The following TAF1 variants were observed in gnomAD, a reference collection of about 807,000 sequenced individuals.
TAF1 encodes transcription initiation factor TFIID subunit 1.
Under a neutral mutation model 138.5 loss-of-function variants are expected in TAF1, and 2 were observed. The ratio of observed to expected loss-of-function variants is 0.01; its 90% CI spans 0.01 to 0.05. The LOEUF (loss-of-function observed/expected upper bound fraction) is 0.05. Ranked by LOEUF, TAF1 falls within the 10% of genes least tolerant of loss-of-function variation. The pLI, the probability that TAF1 is intolerant of heterozygous loss-of-function variation, is 1.00. For synonymous variants in TAF1, 437 were observed against 503.2 expected, an observed-to-expected ratio of 0.87 and a Z score of 1.76; for missense variants, 709 against 1,478.0, an observed-to-expected ratio of 0.48 and a Z score of 8.53.
At chrX:71,420,359 C>G in intron 28 of TAF1, 1 of 1,204,554 alleles carries the variant, frequency 8.3e-7, no homozygotes, top group Non-Finnish European at 1.1e-6. Flanking sequence ...TATATGCAAA[C>G]CCTTTGGAAT....
chrX:71,392,559 T>C lies in TAF1; in HGVS notation c.2782-10T>C, dbSNP rs369716206. ...TCCCACTGCCCTGAGAATCTTTTTC[T>C]TTATCTCAGGTTCGCACTGCCCCTT... On this transcript the variant is annotated splice_polypyrimidine_tract_variant and intron_variant, in intron 18 of 37. Coordinates refer to ENST00000423759, the MANE Select transcript of TAF1 (RefSeq NM_004606.5). The C allele has an allele frequency of 7.8e-5, 89 of 1,145,364 alleles. 3 individuals carry two copies. In the Admixed American group the frequency reaches 9.2e-4, roughly 12 times the overall value. The allele number at this position is 1,145,364 out of a possible 1,213,427, so 94.4% of individuals were successfully genotyped here. A position where few individuals can be genotyped will look rare whatever the true frequency, so the allele number is the denominator to read the frequency against.
At position 71,382,642 on chromosome X, in the gene TAF1, C is replaced by T. The variant is rs376701086; in HGVS notation, c.1644C>T (p.Val548=). Residue 548 remains valine (V), a synonymous_variant, in exon 10 of 38, where the codon GTC becomes GTT. Coordinates refer to ENST00000423759, the MANE Select transcript of TAF1 (RefSeq NM_004606.5). The part of the protein sequence containing the change: ...KSRILLGKTG[V]IKEEPQQNMS... ...GAATTCTCTTAGGGAAAACAGGAGT[C>T]ATCAAGGAGGAACCACAGCAGGTGT... is the stretch of plus-strand genomic sequence containing the variant. The T allele has an allele frequency of 8.3e-7, 1 of 1,208,464 alleles. No homozygotes were observed. The highest frequency in any genetic ancestry group is 1.8e-5 in the African/African-American group (1 of 56,997).
Position 71,421,768 on chromosome X carries a change from G to C in TAF1, c.4452+392G>C, listed in dbSNP as rs1019342321. Among the ~76,000 whole-genome samples the C allele has an allele frequency of 1.4e-4, 16 of 112,225 alleles. 1 individual carries two copies. The highest frequency in any genetic ancestry group is 5.2e-4 in the African/African-American group (16 of 30,934). ...TTAACCAACCAAGCAGCAAGTGCTA[G>C]AAGTTTTAATTTTTAAATGATAATC... On this transcript the variant is annotated intron_variant, in intron 29 of 37. Coordinates refer to ENST00000423759, the MANE Select transcript of TAF1 (RefSeq NM_004606.5).
At chrX:71,454,343 C>T (rs190104233) in intron 33 of TAF1, 106 bp downstream of exon 33, 229 of 677,863 alleles carry the variant, frequency 3.4e-4, no homozygotes, top group African/African-American at 2.6e-3. Context: ...ACAGCTGGGA[C>T]GTGTGGTCCC....
rs2039403173 is a variant in TAF1, at chrX:71,496,697, G to C, written c.1367-31845G>C. Among the ~76,000 whole-genome samples, 4 of 107,102 alleles carry C rather than the reference G, an allele frequency of 3.7e-5. No homozygotes were observed. The South Asian group carries it at 1.6e-3, about 44-fold the overall frequency. The allele number at this position is 107,102 out of a possible 115,157, so 93.0% of individuals were successfully genotyped here. On this transcript the variant is annotated intron_variant and NMD_transcript_variant, in intron 13 of 14. Transcript: ENST00000373775. ...TCTTCCTCTCTCTGACTTGCTCTTT[G>C]TCTCTCTGTCTCTTCCTCTCTCTCT... is the stretch of plus-strand genomic sequence containing the variant.
intron 4 of TAF1, 24 bp from the exon 5 acceptor site, chrX:71,376,926 A>T: frequency 1.7e-6 from 2 of 1,208,581 alleles, no homozygotes; most frequent in Non-Finnish European, 2.2e-6. Context: ...TACATGCCAA[A>T]GGGGTTTCTC....
chrX:71,393,980 T>C, intron 21 of TAF1, 87 bp from the exon 22 acceptor site: 1 of 1,001,962 alleles, frequency 1.0e-6, no homozygotes, highest in Non-Finnish European at 1.3e-6. Flanking sequence ...TGAGTATGCC[T>C]TTTTAAGGTT....
intron 24 of TAF1, among the ~76,000 whole-genome samples, chrX:71,401,320 G>A (rs188650689): frequency 1.1e-3 from 125 of 111,306 alleles, no homozygotes; most frequent in African/African-American, 3.8e-3. Context: ...CCACTTATGC[G>A]TGGATCGTGG....
chrX:71,425,315 A>G (rs1257183621), intron 32 of TAF1, among the ~76,000 whole-genome samples: 2 of 111,690 alleles, frequency 1.8e-5, no homozygotes, highest in East Asian at 5.6e-4. Flanking sequence ...TTCACAATCC[A>G]GTTGGCAGAA....
intron 6 of TAF1, 188 bp from the exon 7 acceptor site, chrX:71,378,047 G>A (rs2033609111): frequency 3.4e-6 from 2 of 587,365 alleles, no homozygotes; most frequent in Admixed American, 7.9e-5. Context: ...ATGGTGATAT[G>A]CTGCTGAATA....
chrX:71,422,517 G>A (rs1298118797), intron 29 of TAF1, among the ~76,000 whole-genome samples: 4 of 104,204 alleles, frequency 3.8e-5, no homozygotes, highest in African/African-American at 1.4e-4. Flanking sequence ...GTAGAGATGG[G>A]GTTTTGCCAT....
intron 17 of TAF1, 103 bp from the exon 18 acceptor site, chrX:71,389,482 G>C: frequency 1.6e-6 from 1 of 627,485 alleles, no homozygotes; most frequent in Non-Finnish European, 2.5e-6. Context: ...ATCCATCTAT[G>C]CAAAATAGAC....
chrX:71,476,008 A>T (rs1300595134), intron 13 of TAF1, among the ~76,000 whole-genome samples: 2 of 111,571 alleles, frequency 1.8e-5, no homozygotes, highest in Non-Finnish European at 3.8e-5. Context: ...AGCTTCTGCC[A>T]TGATTGTAAG....
At chrX:71,388,924 T>G in intron 17 of TAF1, 56 bp downstream of exon 17, 1 of 1,135,182 alleles carries the variant, frequency 8.8e-7, no homozygotes, top group Admixed American at 2.6e-5. Flanking sequence ...TTTTTTTTTT[T>G]CTTCCCCCCA....
intron 32 of TAF1, among the ~76,000 whole-genome samples, chrX:71,427,273 T>C (rs1330382283): frequency 8.9e-6 from 1 of 112,348 alleles, no homozygotes; most frequent in African/African-American, 3.2e-5. Flanking sequence ...CTTTCTCAGT[T>C]TGCTGTGCTT....
At chrX:71,383,910 G>A (rs996011174) in intron 12 of TAF1, 52 bp from the exon 13 acceptor site, 4 of 1,146,223 alleles carry the variant, frequency 3.5e-6, no homozygotes, top group Non-Finnish European at 4.7e-6. Flanking sequence ...ACGTCATTGT[G>A]TGTAGTAGTG....
At chrX:71,469,535 A>C (rs1018448051), downstream of TAF1, among the ~76,000 whole-genome samples, 3 of 107,682 alleles carry the variant, frequency 2.8e-5, no homozygotes, top group Non-Finnish European at 5.8e-5. Flanking sequence ...TCTACAAATA[A>C]TGAAAAAATT....
chrX:71,485,179 G>GT (rs1289882484), intron 13 of TAF1, among the ~76,000 whole-genome samples: 2 of 112,079 alleles, frequency 1.8e-5, no homozygotes, highest in Non-Finnish European at 3.8e-5. Flanking sequence ...TCAATGCATG[G>GT]TTTTGGTTTA....
At position 71,459,556 on chromosome X, in the gene TAF1, G is replaced by A; in HGVS notation, c.5069G>A (p.Gly1690Asp). 1 of 1,211,014 alleles carries A rather than the reference G, an allele frequency of 8.3e-7. No individual in the cohort carries two copies. The highest frequency in any genetic ancestry group is 1.1e-6 in the Non-Finnish European group (1 of 895,315). The change falls in exon 36 of 38, where the codon GGT becomes GAT. Residue 1690 changes from glycine to aspartate, a missense_variant. Physicochemically the swap from Gly to Asp is moderately conservative, Grantham distance 94 (BLOSUM62 -1). Around this residue, in one of 14 missense-constraint regions of TAF1, gnomAD observed 123 missense variants for 174.7 expected, o/e 0.70. Transcript: ENST00000423759. ...CCCCCAACTGGTCTCATTCAGGAAG[G>A]TGAAGATGGAGATGGTGATCTTGCA... is the stretch of plus-strand genomic sequence containing the variant. Reference protein sequence around the residue: ...ATPEKQVTQEGEDGDGDLADE... With the variant: ...ATPEKQVTQEDEDGDGDLADE...
Sources: gnomAD v4.1 joint callset for allele counts (sites outside exome capture counted in the v4.1 genomes callset) on GRCh38, gnomAD v4.1.1 for gene constraint, gnomAD v4.1.1 regional missense constraint, MANE v1.5 for transcripts, NCBI Gene and HGNC (gene_info 2026-07-23, HGNC 2026-07-21) for gene names.